Variants in CSE1L observed in about 807,000 individuals in gnomAD.
The protein encoded by CSE1L is chromosome segregation 1 like.
In CSE1L, 24 loss-of-function variants were observed where a neutral mutation model predicts 120.4. The observed-to-expected ratio is 0.20, with a 90% CI of 0.14 to 0.28. The LOEUF is 0.28. Among genes scored for constraint, CSE1L ranks in the 10% least tolerant of loss-of-function variants. CSE1L has a pLI of 1.00. For synonymous variants in CSE1L, 402 were observed against 398.3 expected (o/e 1.01, Z -0.11); for missense variants, 830 against 1,145.2 (o/e 0.72, Z 3.97).
At chr20:49,066,015 A>G (rs1295262106) in intron 3 of CSE1L, among the ~76,000 whole-genome samples, 177 bp from the exon 4 acceptor site, 1 of 152,214 alleles carries the variant, frequency 6.6e-6, no homozygotes, top group Non-Finnish European at 1.5e-5. Flanking sequence ...CTGTCATCAG[A>G]TTATTGAAGG....
chr20:49,090,637 A>T (rs764168519), intron 19 of CSE1L, 105 bp from the exon 20 acceptor site: 31 of 817,256 alleles, frequency 3.8e-5, no homozygotes, highest in Non-Finnish European at 5.5e-5. Context: ...AGAGAAAAGG[A>T]TAGATTATTA....
At chr20:49,059,814 A>G (rs2091837868) in intron 2 of CSE1L, among the ~76,000 whole-genome samples, 2 of 152,040 alleles carry the variant, frequency 1.3e-5, no homozygotes, top group South Asian at 4.2e-4. Flanking sequence ...TGGGAGGTGG[A>G]GGTTGCAGTG....
intron 16 of CSE1L, among the ~76,000 whole-genome samples, chr20:49,087,796 C>T (rs1198924968): frequency 6.6e-6 from 1 of 151,928 alleles, no homozygotes; most frequent in Admixed American, 6.6e-5. Context: ...TAGAAATACT[C>T]AGTATTTCCC....
intron 16 of CSE1L, among the ~76,000 whole-genome samples, chr20:49,086,571 G>A (rs964469596): frequency 6.6e-6 from 1 of 151,748 alleles, no homozygotes; most frequent in Admixed American, 6.6e-5. Flanking sequence ...CTGCATGTTG[G>A]TCAGGCTGGT....
In CSE1L at chr20:49,090,724, G is replaced by T; in HGVS notation, c.2182-18G>T. 6.3e-7 allele frequency: 1 copy of T among 1,596,270 alleles called. No homozygotes were observed. Among genetic ancestry groups the T allele is most frequent in the Non-Finnish European group, 8.6e-7 (1 of 1,165,168 alleles). The stretch of plus-strand genomic sequence containing the variant: ...TATTCCTGTTAACCATTTTCTGTTG[G>T]ATCTCATTTCTTAACAGCCTGGGTT... On this transcript the variant is annotated intron_variant, in intron 19 of 24. Coordinates refer to ENST00000262982, the MANE Select transcript of CSE1L (RefSeq NM_001316.4).
chr20:49,094,396 A>C, intron 23 of CSE1L, 110 bp downstream of exon 23: 1 of 1,027,672 alleles, frequency 9.7e-7, no homozygotes, highest in Non-Finnish European at 1.5e-6. Context: ...GTCTGATCTC[A>C]GCTTCTCCAC....
At position 49,090,938 on chromosome 20, in the gene CSE1L, G is replaced by A. The variant is rs201854045; in HGVS notation, c.2281G>A (p.Glu761Lys). The A allele has an allele frequency of 1.9e-6, 3 of 1,603,994 alleles. No individual in the cohort carries two copies. The highest frequency in any genetic ancestry group is 2.6e-6 in the Non-Finnish European group (3 of 1,174,172). Residue 761 changes from glutamate to lysine, a missense_variant and splice_region_variant, in exon 21 of 25, where the codon GAA becomes AAA. Glu to Lys is a moderately conservative substitution (Grantham distance 56). Around this residue, in one of 4 missense-constraint regions of CSE1L, gnomAD observed 168 missense variants for 267.9 expected, o/e 0.63. Transcript: ENST00000262982. ...TGTTGATTTTTTTTAATTCTTTAGT[G>A]AATCAGTTGACCAATATAGGAAACA... is the stretch of plus-strand genomic sequence containing the variant. ...LNSIIEHMPPESVDQYRKQIF... is the reference protein window; with the variant it reads ...LNSIIEHMPPKSVDQYRKQIF...
chr20:49,091,557 G>C lies in CSE1L; in HGVS notation c.2366-489G>C, dbSNP rs548911523. On this transcript the variant is annotated intron_variant, in intron 21 of 24. Transcript: ENST00000262982. ...ACGACCAGCCTGGGCAACATGGTAA[G>C]ACCCTGTCTCTACAAAACAGCCAAG... Among the ~76,000 whole-genome samples the C allele has an allele frequency of 1.1e-4, 17 of 152,160 alleles. No homozygotes were observed. The South Asian group carries it at 3.5e-3, about 32-fold the overall frequency.
Position 49,090,727 on chromosome 20 carries a change from C to G in CSE1L, c.2182-15C>G, listed in dbSNP as rs758496783. 5 of 1,601,654 alleles carry G rather than the reference C, an allele frequency of 3.1e-6. No homozygotes were observed. Among genetic ancestry groups the G allele is most frequent in the Non-Finnish European group, 8.5e-7 (1 of 1,170,378 alleles). On this transcript the variant is annotated splice_polypyrimidine_tract_variant and intron_variant, in intron 19 of 24. Transcript: ENST00000262982. Reference sequence around the variant, plus strand: ...TCCTGTTAACCATTTTCTGTTGGATCTCATTTCTTAACAGCCTGGGTTACT... The same window carrying G: ...TCCTGTTAACCATTTTCTGTTGGATGTCATTTCTTAACAGCCTGGGTTACT...
At chr20:49,053,849 C>A (rs150721538) in intron 1 of CSE1L, among the ~76,000 whole-genome samples, 1 of 151,994 alleles carries the variant, frequency 6.6e-6, no homozygotes, top group Non-Finnish European at 1.5e-5. Flanking sequence ...CCACCACGCC[C>A]GGCTAATTTT....
rs1231387577 is a variant in CSE1L at position 49,079,003 on chromosome 20, T to G, written c.1482+381T>G. Among the ~76,000 whole-genome samples the G allele has an allele frequency of 3.3e-5, 5 of 152,138 alleles. No homozygotes were observed. The East Asian group carries it at 9.7e-4, about 29-fold the overall frequency. On this transcript the variant is annotated intron_variant, in intron 14 of 24. Coordinates refer to ENST00000262982, the MANE Select transcript of CSE1L (RefSeq NM_001316.4). Reference sequence around the variant, plus strand: ...ACCTCCTGGGTTCACGTGATTCTCCTGTCTCAGCCTCCCAAATAGCTAGGA... The same window carrying G: ...ACCTCCTGGGTTCACGTGATTCTCCGGTCTCAGCCTCCCAAATAGCTAGGA...
intron 16 of CSE1L, 134 bp from the exon 17 acceptor site, chr20:49,087,875 G>GT: frequency 3.5e-6 from 2 of 571,462 alleles, no homozygotes; most frequent in East Asian, 6.4e-5. Context: ...TTTAAATGTA[G>GT]AGAGCTATCT....
At chr20:49,074,759 AT>A (rs770978591) in intron 10 of CSE1L, 25 bp from the exon 11 acceptor site, 1 of 1,598,704 alleles carries the variant, frequency 6.3e-7, no homozygotes, top group East Asian at 2.2e-5. Context: ...TTGGAGTGTT[AT>A]CTGAAATATC....
intron 14 of CSE1L, among the ~76,000 whole-genome samples, chr20:49,080,448 A>G (rs1406196756): frequency 1.3e-5 from 2 of 152,042 alleles, no homozygotes; most frequent in Non-Finnish European, 2.9e-5. Flanking sequence ...TTACATTGTC[A>G]ACATTTTTTA....
At chr20:49,074,137 G>A (rs2091952110) in intron 10 of CSE1L, among the ~76,000 whole-genome samples, 1 of 151,094 alleles carries the variant, frequency 6.6e-6, no homozygotes, top group African/African-American at 2.4e-5. Context: ...CTTGAGCTCA[G>A]GAGGTGGAGG....
At chr20:49,087,192 T>G (rs766111584) in intron 16 of CSE1L, among the ~76,000 whole-genome samples, 12 of 152,176 alleles carry the variant, frequency 7.9e-5, no homozygotes, top group Non-Finnish European at 1.5e-4. Context: ...ATTTGGACTC[T>G]GTGGCTTTAC....
chr20:49,053,145 CTCTTTTTTTTTTTT>C (rs1167520937), intron 1 of CSE1L, among the ~76,000 whole-genome samples: 1 of 102,558 alleles, frequency 9.8e-6, no homozygotes, highest in Non-Finnish European at 2.0e-5. Context: ...CCCCCTGTCT[CTCTTTTTTTTTTTT>C]TTTTTTTTTT....
chr20:49,062,212 A>G (rs564512424), intron 2 of CSE1L, among the ~76,000 whole-genome samples: 1 of 152,348 alleles, frequency 6.6e-6, no homozygotes, highest in East Asian at 1.9e-4. Context: ...CCCCTCCTGA[A>G]AAACATTTTT....
In CSE1L at chr20:49,075,364, A is replaced by G; in HGVS notation, c.1179A>G (p.Leu393=). 6.2e-7 allele frequency: 1 copy of G among 1,614,034 alleles called. No individual in the cohort carries two copies. The highest frequency in any genetic ancestry group is 8.5e-7 in the Non-Finnish European group (1 of 1,180,004). The stretch of plus-strand genomic sequence containing the variant: ...CTGCTTGTGATCTGGTACGAGGATT[A>G]TGCAAGTTTTTTGAGGGACCTGTGA... ...RRAACDLVRG[L]CKFFEGPVTG... is the part of the protein sequence containing the mutation. Residue 393 remains leucine, a synonymous_variant, in exon 12 of 25, where the codon TTA becomes TTG. Transcript: ENST00000262982.
Sources: allele counts gnomAD v4.1 joint callset (sites outside exome capture counted in the v4.1 genomes callset), GRCh38; gene constraint gnomAD v4.1.1; regional missense constraint gnomAD v4.1.1; transcripts MANE v1.5; gene names NCBI Gene and HGNC (gene_info 2026-07-23, HGNC 2026-07-21).